FNDC1: variants seen among roughly 807,000 people sequenced by gnomAD.
The protein encoded by FNDC1 is fibronectin type III domain-containing protein 1.
Under a neutral mutation model 168.0 loss-of-function variants are expected in FNDC1, and 96 were observed. The observed-to-expected ratio is 0.57, with a 90% CI of 0.48 to 0.68. The LOEUF is 0.68. Among genes scored for constraint, FNDC1 ranks in the 30% least tolerant of loss-of-function variants. The pLI is 0.00. For missense variants in FNDC1, 2,587 were observed against 2,482.1 expected (o/e 1.04, Z -0.90); for synonymous variants, 1,099 against 1,025.9 (o/e 1.07, Z -1.36).
chr6:159,240,027 G>A, intron 14 of FNDC1, 70 bp downstream of exon 14: 3 of 1,363,300 alleles, frequency 2.2e-6, no homozygotes, highest in Non-Finnish European at 2.9e-6. Flanking sequence ...GAGCAGGGTG[G>A]CAGAGCCTGC....
intron 10 of FNDC1, among the ~76,000 whole-genome samples, chr6:159,231,677 A>G (rs532655145): frequency 6.6e-6 from 1 of 152,330 alleles, no homozygotes; most frequent in South Asian, 2.1e-4. Flanking sequence ...CTAGGACTAT[A>G]TTTGTTACTT....
intron 17 of FNDC1, among the ~76,000 whole-genome samples, chr6:159,251,882 C>G (rs1444386324): frequency 6.6e-6 from 1 of 152,120 alleles, no homozygotes; most frequent in Admixed American, 6.5e-5. Context: ...TGCAAATGGC[C>G]AGGGGGTCCA....
chr6:159,221,100 A>C (rs1782813032), intron 5 of FNDC1, among the ~76,000 whole-genome samples: 1 of 152,212 alleles, frequency 6.6e-6, no homozygotes, highest in Admixed American at 6.5e-5. Context: ...TTTGAAGGGC[A>C]CAGCATTCCA....
At position 159,238,623 on chromosome 6, in the gene FNDC1, C is replaced by A; in HGVS notation, c.4138C>A (p.Pro1380Thr). Residue 1380 changes from proline to threonine, a missense_variant, in exon 13 of 23, where the codon CCT (proline) becomes ACT (threonine). Pro to Thr is a conservative substitution (Grantham distance 38, BLOSUM62 -1). Transcript: ENST00000297267. Reference protein sequence around the residue: ...GRYLQDSHGNPLRIKLGGDGR... With the variant: ...GRYLQDSHGNTLRIKLGGDGR... ...GTACCTCCAAGATTCACATGGAAATCCTCTTCGGATTAAACTAGGAGGAGA... is the reference window on the plus strand; with the variant it reads ...GTACCTCCAAGATTCACATGGAAATACTCTTCGGATTAAACTAGGAGGAGA... 4 of 1,610,468 alleles carry A rather than the reference C, an allele frequency of 2.5e-6. No individual in the cohort carries two copies. Among genetic ancestry groups the A allele is most frequent in the Non-Finnish European group, 3.4e-6 (4 of 1,178,460 alleles).
At chr6:159,225,334 G>A (rs1427281201) in intron 7 of FNDC1, among the ~76,000 whole-genome samples, 2 of 149,660 alleles carry the variant, frequency 1.3e-5, no homozygotes, top group Non-Finnish European at 3.0e-5. Flanking sequence ...AAGACACTAA[G>A]CTCTGTTTTT....
At chr6:159,190,080 A>G (rs1782100317) in intron 1 of FNDC1, among the ~76,000 whole-genome samples, 1 of 152,194 alleles carries the variant, frequency 6.6e-6, no homozygotes. Flanking sequence ...CTTTAATCCC[A>G]GGAAGATACA....
intron 14 of FNDC1, among the ~76,000 whole-genome samples, chr6:159,245,584 A>G (rs1783523292): frequency 6.6e-6 from 1 of 152,218 alleles, no homozygotes; most frequent in Admixed American, 6.5e-5. Flanking sequence ...CAAGTAGAGA[A>G]ATAGTATAAT....
intron 4 of FNDC1, among the ~76,000 whole-genome samples, chr6:159,201,087 G>A (rs574978887): frequency 6.6e-6 from 1 of 152,334 alleles, no homozygotes; most frequent in South Asian, 2.1e-4. Flanking sequence ...GGATGTTGAT[G>A]TTGTCTGGTC....
intron 1 of FNDC1, among the ~76,000 whole-genome samples, chr6:159,194,757 A>T (rs1056783872): frequency 8.5e-5 from 13 of 152,098 alleles, no homozygotes; most frequent in African/African-American, 3.1e-4. Flanking sequence ...TGCTTGCCAG[A>T]ATGACTGCCC....
intron 11 of FNDC1, among the ~76,000 whole-genome samples, chr6:159,235,014 C>A (rs1783214491): frequency 6.6e-6 from 1 of 152,350 alleles, no homozygotes; most frequent in East Asian, 1.9e-4. Context: ...AACTCTCAAC[C>A]AAACAAACCC....
chr6:159,257,981 G>A (rs1373535908), intron 18 of FNDC1, among the ~76,000 whole-genome samples: 1 of 147,552 alleles, frequency 6.8e-6, no homozygotes, highest in Non-Finnish European at 1.5e-5. Flanking sequence ...AAAGCCAAGA[G>A]GCCTTCCAGA....
intron 17 of FNDC1, among the ~76,000 whole-genome samples, chr6:159,254,773 G>A (rs1033879050): frequency 6.7e-6 from 1 of 149,862 alleles, no homozygotes; most frequent in Non-Finnish European, 1.5e-5. Flanking sequence ...CCCAAATCTG[G>A]CCCTTGTCTG....
Position 159,232,486 on chromosome 6 carries a change from C to T in FNDC1, c.1974C>T (p.His658=), listed in dbSNP as rs1692461720. 1 of 1,612,526 alleles carries T rather than the reference C, an allele frequency of 6.2e-7. No individual in the cohort carries two copies. Among genetic ancestry groups the T allele is most frequent in the Non-Finnish European group, 8.5e-7 (1 of 1,179,310 alleles). The change falls in exon 11 of 23, where the codon CAC becomes CAT. Residue 658 remains histidine, a synonymous_variant. Coordinates refer to ENST00000297267, the MANE Select transcript of FNDC1 (RefSeq NM_032532.3). This position sits in a 1 kb window ranked among gnomAD's most constrained non-coding sequence, Gnocchi z 4.9. The part of the protein sequence containing the change: ...DEDERAVGSL[H]PKGAFAQPRP... ...ATGAGCGCGCTGTGGGCTCCCTCCA[C>T]CCCAAGGGCGCCTTCGCCCAGCCCC...
At chr6:159,256,347 A>G (rs1362091195) in intron 17 of FNDC1, among the ~76,000 whole-genome samples, 176 bp from the exon 18 acceptor site, 2 of 152,226 alleles carry the variant, frequency 1.3e-5, no homozygotes, top group East Asian at 3.8e-4. Flanking sequence ...TGGATTCAGC[A>G]GAAGGTACCA....
intron 9 of FNDC1, among the ~76,000 whole-genome samples, chr6:159,228,472 T>C (rs1783003282): frequency 6.6e-6 from 1 of 152,132 alleles, no homozygotes; most frequent in Non-Finnish European, 1.5e-5. Flanking sequence ...AAATGACAAG[T>C]TTGTTGATTT....
At chr6:159,200,638 G>T in intron 4 of FNDC1, 57 bp downstream of exon 4, 1 of 1,394,632 alleles carries the variant, frequency 7.2e-7, no homozygotes, top group Non-Finnish European at 9.9e-7. Context: ...CGTCTCGCAA[G>T]AGAGTTGTGC....
At chr6:159,212,974 T>C (rs1254502985) in intron 4 of FNDC1, among the ~76,000 whole-genome samples, 1 of 152,208 alleles carries the variant, frequency 6.6e-6, no homozygotes, top group Non-Finnish European at 1.5e-5. Flanking sequence ...CTACTTCCCC[T>C]CTGTGAGCCA....
chr6:159,254,894 T>C (rs1777341467), intron 17 of FNDC1, among the ~76,000 whole-genome samples: 1 of 152,088 alleles, frequency 6.6e-6, no homozygotes, highest in Non-Finnish European at 1.5e-5. Context: ...AACTCATCAT[T>C]AAATCTGGTC....
intron 6 of FNDC1, among the ~76,000 whole-genome samples, chr6:159,222,180 T>C (rs1782841856): frequency 1.3e-5 from 2 of 152,200 alleles, no homozygotes; most frequent in African/African-American, 2.4e-5. Context: ...CACGGTTACA[T>C]TTCCCACGTC....
Sources: gnomAD v4.1 joint callset for allele counts (sites outside exome capture counted in the v4.1 genomes callset) on GRCh38, gnomAD v4.1.1 for gene constraint, Gnocchi (gnomAD v3.1) non-coding constraint, MANE v1.5 for transcripts, NCBI Gene and HGNC (gene_info 2026-07-23, HGNC 2026-07-21) for gene names.